Variants in PPP2R2B observed in about 807,000 individuals in gnomAD.
PPP2R2B encodes the protein serine/threonine-protein phosphatase 2A 55 kDa regulatory subunit B beta isoform.
PPP2R2B carries 5 observed loss-of-function variants against 46.0 expected under a neutral mutation model. The ratio of observed to expected loss-of-function variants is 0.11; its 90% CI spans 0.06 to 0.23. The LOEUF (loss-of-function observed/expected upper bound fraction) is 0.23. PPP2R2B is among the 10% of genes least tolerant of loss of function. The pLI is 1.00. For synonymous variants in PPP2R2B, 215 were observed against 206.7 expected, an observed-to-expected ratio of 1.04 and a Z score of -0.34; for missense variants, 367 against 575.0, an observed-to-expected ratio of 0.64 and a Z score of 3.70.
At chr5:146,706,554 G>A (rs1779867454) in intron 2 of PPP2R2B, 2 of 1,013,256 alleles carry the variant, frequency 2.0e-6, no homozygotes, top group Admixed American at 1.8e-5. Flanking sequence ...CTGAAGGGCG[G>A]CCTCCAGCTC....
At chr5:146,638,194 C>T in intron 7 of PPP2R2B, 57 bp downstream of exon 7, 2 of 1,565,062 alleles carry the variant, frequency 1.3e-6, no homozygotes, top group Non-Finnish European at 1.7e-6. Flanking sequence ...CCAGGCTCTC[C>T]CCCAGCACAT....
intron 1 of PPP2R2B, among the ~76,000 whole-genome samples, chr5:146,912,675 T>C (rs1763233910): frequency 6.6e-6 from 1 of 151,832 alleles, no homozygotes. Context: ...TGGCTAATTT[T>C]TTTTTGTATT....
intron 5 of PPP2R2B, among the ~76,000 whole-genome samples, chr5:146,664,631 T>A (rs960469305): frequency 6.6e-6 from 1 of 152,136 alleles, no homozygotes; most frequent in African/African-American, 2.4e-5. Flanking sequence ...CTCCTATTAA[T>A]GTTGATATTT....
At chr5:146,886,762 C>T (rs967975862) in intron 1 of PPP2R2B, among the ~76,000 whole-genome samples, 8 of 151,252 alleles carry the variant, frequency 5.3e-5, no homozygotes, top group East Asian at 3.9e-4. Flanking sequence ...TTCATGTTTT[C>T]GTTAAAATAT....
chr5:146,929,418 T>C (rs1763894086), intron 1 of PPP2R2B, among the ~76,000 whole-genome samples: 1 of 152,090 alleles, frequency 6.6e-6, no homozygotes, highest in South Asian at 2.1e-4. Context: ...TGATATAGTT[T>C]TAGAAAACAT....
chr5:146,899,064 G>C (rs1186096217), intron 1 of PPP2R2B, among the ~76,000 whole-genome samples: 1 of 151,766 alleles, frequency 6.6e-6, no homozygotes, highest in Non-Finnish European at 1.5e-5. Context: ...AAGTCAGTAG[G>C]GCGATTCCTC....
intron 2 of PPP2R2B, among the ~76,000 whole-genome samples, chr5:146,733,269 G>T (rs749389829): frequency 2.6e-5 from 4 of 152,078 alleles, no homozygotes; most frequent in Non-Finnish European, 4.4e-5. Context: ...AGGGCTGGGT[G>T]GTCAAAAAAC....
chr5:146,765,592 A>G (rs899930689), intron 2 of PPP2R2B, among the ~76,000 whole-genome samples: 21 of 152,236 alleles, frequency 1.4e-4, no homozygotes, highest in African/African-American at 5.1e-4. Context: ...ACTGTGCGCA[A>G]TGTGAAATAA....
At chr5:147,065,031 G>A (rs1757379324) in intron 2 of PPP2R2B, among the ~76,000 whole-genome samples, 1 of 152,200 alleles carries the variant, frequency 6.6e-6, no homozygotes, top group Non-Finnish European at 1.5e-5. Context: ...ACCAGGCATG[G>A]TGCTGGGCAC....
At chr5:146,628,763 C>T (rs193136729) in intron 7 of PPP2R2B, among the ~76,000 whole-genome samples, 72 of 152,318 alleles carry the variant, frequency 4.7e-4, no homozygotes, top group African/African-American at 1.7e-3. Context: ...ACTGCTTTTA[C>T]TTAAAGTAAC....
At chr5:146,606,124 A>G (rs557625489) in intron 7 of PPP2R2B, among the ~76,000 whole-genome samples, 1 of 152,354 alleles carries the variant, frequency 6.6e-6, no homozygotes, top group Admixed American at 6.5e-5. Flanking sequence ...AACAGCATTC[A>G]TTACAACTGG....
intron 2 of PPP2R2B, among the ~76,000 whole-genome samples, chr5:146,837,361 A>T (rs1414875850): frequency 6.6e-6 from 1 of 152,198 alleles, no homozygotes; most frequent in Non-Finnish European, 1.5e-5. Context: ...TATTAAATGC[A>T]TTTTTTGACT....
At chr5:146,960,990 C>A (rs932724507) in intron 1 of PPP2R2B, among the ~76,000 whole-genome samples, 5 of 152,108 alleles carry the variant, frequency 3.3e-5, no homozygotes, top group African/African-American at 1.2e-4. Flanking sequence ...GTCAACCAGG[C>A]TTAACATTTT....
chr5:147,002,001 C>A (rs1561568394), intron 1 of PPP2R2B, among the ~76,000 whole-genome samples: 1 of 152,086 alleles, frequency 6.6e-6, no homozygotes, highest in Non-Finnish European at 1.5e-5. Flanking sequence ...AGTCATGTCG[C>A]CCAAGTGAGA....
intron 2 of PPP2R2B, among the ~76,000 whole-genome samples, chr5:146,745,675 G>A (rs964180630): frequency 1.3e-5 from 2 of 152,070 alleles, no homozygotes; most frequent in African/African-American, 2.4e-5. Context: ...ATAAATTGTC[G>A]GCCAGGTGTG....
intron 1 of PPP2R2B, among the ~76,000 whole-genome samples, chr5:146,959,879 A>G (rs1752092519): frequency 1.3e-5 from 2 of 152,218 alleles, no homozygotes; most frequent in Non-Finnish European, 1.5e-5. Flanking sequence ...GAAGCAGAGT[A>G]GGGAGACGAC....
At chr5:146,706,198 C>T (rs944033896) in intron 2 of PPP2R2B, among the ~76,000 whole-genome samples, 14 of 152,106 alleles carry the variant, frequency 9.2e-5, no homozygotes, top group African/African-American at 2.9e-4. Context: ...GAGGGGCTGC[C>T]GCAGCTGTTC....
intron 7 of PPP2R2B, among the ~76,000 whole-genome samples, chr5:146,630,759 G>A (rs1368521509): frequency 1.3e-5 from 2 of 152,152 alleles, no homozygotes; most frequent in Admixed American, 6.5e-5. Flanking sequence ...AAAGACACAT[G>A]TGGTAGGGAA....
chr5:146,865,764 A>G (rs759470582), intron 2 of PPP2R2B, among the ~76,000 whole-genome samples: 7 of 152,186 alleles, frequency 4.6e-5, no homozygotes, highest in Non-Finnish European at 8.8e-5. Context: ...ACTTGTTAAA[A>G]CAACATGCCA....
Sources: allele counts gnomAD v4.1 joint callset (sites outside exome capture counted in the v4.1 genomes callset), GRCh38; gene constraint gnomAD v4.1.1; transcripts MANE v1.5; gene names NCBI Gene and HGNC (gene_info 2026-07-23, HGNC 2026-07-21).